TBL1XR1: variants seen among roughly 807,000 people sequenced by gnomAD.
TBL1XR1 encodes TBL1X/Y related 1, also known as F-box-like/WD repeat-containing protein TBL1XR1.
A neutral mutation model predicts 66.9 loss-of-function variants in TBL1XR1; 5 were observed. That is an observed-to-expected ratio of 0.07 (90% confidence interval 0.04 to 0.16). TBL1XR1 has a LOEUF of 0.16. TBL1XR1 is among the 10% of genes least tolerant of loss of function. The probability of loss-of-function intolerance (pLI) is 1.00; values close to 1 mark genes in which losing one functional copy is unlikely to be tolerated. For synonymous variants in TBL1XR1, 210 were observed against 206.0 expected, an observed-to-expected ratio of 1.02 and a Z score of -0.17; for missense variants, 238 against 623.2, an observed-to-expected ratio of 0.38 and a Z score of 6.58.
rs1443364046 is a variant in TBL1XR1 at position 177,023,510 on chromosome 3, C to G, written c.*1988G>C. Reference sequence around the variant, plus strand: ...ACCCTAAAAAGAGCTGGCACAAAACCATCGTGAATGACTGCCTCTCTTGAT... The same window carrying G: ...ACCCTAAAAAGAGCTGGCACAAAACGATCGTGAATGACTGCCTCTCTTGAT... On this transcript the variant is annotated 3_prime_UTR_variant, in exon 16 of 16. Transcript: ENST00000457928. 2.0e-5 allele frequency: 3 copies of G among 152,386 alleles called. No individual in the cohort carries two copies. Among genetic ancestry groups the G allele is most frequent in the Non-Finnish European group, 4.4e-5 (3 of 67,932 alleles). 9.4% of individuals were successfully genotyped at this position (152,386 alleles called of 1,614,324 possible).
chr3:177,126,305 C>CT (rs1181339544), intron 1 of TBL1XR1, among the ~76,000 whole-genome samples: 6 of 152,184 alleles, frequency 3.9e-5, no homozygotes, highest in Admixed American at 2.6e-4. Context: ...AAGGATCACA[C>CT]TTTGAGAACT....
intron 1 of TBL1XR1, among the ~76,000 whole-genome samples, chr3:177,121,455 C>T (rs1305602453): frequency 6.6e-6 from 1 of 152,162 alleles, no homozygotes; most frequent in Non-Finnish European, 1.5e-5. Flanking sequence ...CATAGCCTAT[C>T]TCCTCTAGAA....
At chr3:177,112,647 G>C (rs535901503) in intron 1 of TBL1XR1, among the ~76,000 whole-genome samples, 1 of 152,104 alleles carries the variant, frequency 6.6e-6, no homozygotes, top group Admixed American at 6.5e-5. Context: ...CAAGTAATTA[G>C]GTGCCCGGCC....
At chr3:177,038,906 CA>C (rs1244363326) in intron 10 of TBL1XR1, among the ~76,000 whole-genome samples, 1 of 152,132 alleles carries the variant, frequency 6.6e-6, no homozygotes, top group Non-Finnish European at 1.5e-5. Flanking sequence ...GTGTTACCCT[CA>C]CACACAAGAG....
At chr3:177,069,883 T>C (rs536408622) in intron 2 of TBL1XR1, among the ~76,000 whole-genome samples, 1 of 151,150 alleles carries the variant, frequency 6.6e-6, no homozygotes, top group African/African-American at 2.4e-5. Context: ...AATTATTCAT[T>C]AGTTAACTGA....
At chr3:177,064,853 T>C in intron 3 of TBL1XR1, 67 bp downstream of exon 3, 3 of 1,091,330 alleles carry the variant, frequency 2.7e-6, no homozygotes, top group Non-Finnish European at 4.0e-6. Flanking sequence ...AAATTTCAAA[T>C]GCATAAAAGA....
At chr3:177,196,906 G>A (rs1048510081) in intron 1 of TBL1XR1, among the ~76,000 whole-genome samples, 1 of 151,000 alleles carries the variant, frequency 6.6e-6, no homozygotes, top group Non-Finnish European at 1.5e-5. Context: ...AAAGAAACCT[G>A]AGAGAGGAAA....
At chr3:177,135,383 G>GTATATA (rs1203851204) in intron 1 of TBL1XR1, among the ~76,000 whole-genome samples, 1 of 23,240 alleles carries the variant, frequency 4.3e-5, no homozygotes, top group Non-Finnish European at 7.0e-5. Context: ...ATATATATAT[G>GTATATA]TATGTATTTT....
Position 177,093,180 on chromosome 3 carries a change from G to A in TBL1XR1, c.-46+5286C>T, listed in dbSNP as rs1723045954. 1.3e-5 allele frequency among the ~76,000 whole-genome samples: 2 copies of A among 152,094 alleles called. 1 individual carries two copies. Among genetic ancestry groups the A allele is most frequent in the South Asian group, 4.1e-4 (2 of 4,826 alleles). On this transcript the variant is annotated intron_variant, in intron 2 of 15. Coordinates refer to ENST00000457928, the MANE Select transcript of TBL1XR1 (RefSeq NM_024665.7). ...TCTATACATCAACAGCAACCAAGTGGAGAATCAAACCAAGAACTCAAACCC... is the reference window on the plus strand; with the variant it reads ...TCTATACATCAACAGCAACCAAGTGAAGAATCAAACCAAGAACTCAAACCC...
intron 1 of TBL1XR1, among the ~76,000 whole-genome samples, chr3:177,196,774 T>TG (rs1369903179): frequency 2.7e-5 from 4 of 150,762 alleles, no homozygotes; most frequent in African/African-American, 9.8e-5. Context: ...GGGGTGTAAA[T>TG]GCACGAAGGG....
At chr3:177,128,934 C>T (rs1458413320) in intron 1 of TBL1XR1, among the ~76,000 whole-genome samples, 1 of 152,098 alleles carries the variant, frequency 6.6e-6, no homozygotes, top group Non-Finnish European at 1.5e-5. Flanking sequence ...TAAGTTTCTC[C>T]AGCTGCAGAT....
chr3:177,200,123 C>T (rs1475211859), upstream of TBL1XR1, among the ~76,000 whole-genome samples: 2 of 152,090 alleles, frequency 1.3e-5, no homozygotes, highest in Non-Finnish European at 2.9e-5. Context: ...CAGGCATGCA[C>T]CACCACGCCT....
At chr3:177,196,418 G>A (rs529814010) in intron 1 of TBL1XR1, 2 of 151,822 alleles carry the variant, frequency 1.3e-5, no homozygotes, top group African/African-American at 4.8e-5. Context: ...ACCTCCTTAA[G>A]ACGATAAAAA....
chr3:177,127,168 G>A (rs1380077656), intron 1 of TBL1XR1, among the ~76,000 whole-genome samples: 1 of 152,130 alleles, frequency 6.6e-6, no homozygotes, highest in Admixed American at 6.6e-5. Context: ...GTTATTCTAT[G>A]TATCTCAACA....
intron 2 of TBL1XR1, among the ~76,000 whole-genome samples, chr3:177,068,662 T>C (rs1472608529): frequency 1.3e-5 from 2 of 152,180 alleles, no homozygotes; most frequent in African/African-American, 4.8e-5. Flanking sequence ...CTCCTACACA[T>C]CAAAGTACTA....
chr3:177,145,692 C>T (rs561802551), intron 1 of TBL1XR1, among the ~76,000 whole-genome samples: 1 of 152,322 alleles, frequency 6.6e-6, no homozygotes, highest in South Asian at 2.1e-4. Context: ...CCAGATAGCA[C>T]CAATGTGGCA....
chr3:177,104,024 G>A (rs1239514206), intron 1 of TBL1XR1, among the ~76,000 whole-genome samples: 1 of 151,494 alleles, frequency 6.6e-6, no homozygotes, highest in Non-Finnish European at 1.5e-5. Context: ...GCTGAGGCAG[G>A]AGAATCACTT....
In TBL1XR1 at chr3:177,020,290, G is replaced by A. The variant is rs139271313; in HGVS notation, c.*5208C>T. 1.3e-5 allele frequency: 2 copies of A among 151,860 alleles called. No individual in the cohort carries two copies. The highest frequency in any genetic ancestry group is 4.8e-5 in the African/African-American group (2 of 41,412). The allele number at this position is 151,860 out of a possible 1,614,324, so 9.4% of individuals were successfully genotyped here. On this transcript the variant is annotated 3_prime_UTR_variant, in exon 16 of 16. Transcript: ENST00000457928. ...TCTTTTTCAGCTTCTGTGAAATAACGTCTTTTAAATACAATATTTATTTTT... is the reference window on the plus strand; with the variant it reads ...TCTTTTTCAGCTTCTGTGAAATAACATCTTTTAAATACAATATTTATTTTT...
chr3:177,027,685 C>G (rs1386357736), intron 14 of TBL1XR1: 16 of 152,204 alleles, frequency 1.1e-4, no homozygotes, highest in Non-Finnish European at 2.2e-4. Flanking sequence ...AGATGACAAG[C>G]TGGAAGAATG....
Sources: allele counts gnomAD v4.1 joint callset (sites outside exome capture counted in the v4.1 genomes callset), GRCh38; gene constraint gnomAD v4.1.1; transcripts MANE v1.5; gene names NCBI Gene and HGNC (gene_info 2026-07-23, HGNC 2026-07-21).